RGS7: variants seen among roughly 807,000 people sequenced by gnomAD.
RGS7 encodes the protein regulator of G protein signaling 7.
A neutral mutation model predicts 81.1 loss-of-function variants in RGS7; 27 were observed. That is an observed-to-expected ratio of 0.33 (90% CI 0.25 to 0.46). RGS7 has a LOEUF of 0.46. Among genes scored for constraint, RGS7 ranks in the 20% least tolerant of loss-of-function variants. RGS7 has a pLI of 1.00. For missense variants in RGS7, 396 were observed against 607.4 expected (o/e 0.65, Z 3.66); for synonymous variants, 208 against 207.7 (o/e 1.00, Z -0.01).
intron 9 of RGS7, among the ~76,000 whole-genome samples, chr1:240,850,392 C>G (rs200676311): frequency 1.3e-5 from 2 of 152,114 alleles, no homozygotes; most frequent in African/African-American, 2.4e-5. Flanking sequence ...ATGTTATTGT[C>G]GTGATCGTTT....
intron 4 of RGS7, among the ~76,000 whole-genome samples, chr1:240,967,856 C>T (rs560739780): frequency 3.7e-4 from 56 of 151,750 alleles, no homozygotes; most frequent in African/African-American, 1.2e-3. Context: ...TTCCCAAATT[C>T]GAAATTACAA....
At chr1:241,111,797 G>A (rs1180280098) in intron 2 of RGS7, among the ~76,000 whole-genome samples, 1 of 152,132 alleles carries the variant, frequency 6.6e-6, no homozygotes, top group Non-Finnish European at 1.5e-5. Flanking sequence ...TGCAAACCAG[G>A]AAATAAGACT....
At chr1:240,882,931 C>T (rs1666662306) in intron 6 of RGS7, among the ~76,000 whole-genome samples, 1 of 152,072 alleles carries the variant, frequency 6.6e-6, no homozygotes, top group South Asian at 2.1e-4. Context: ...CTGATGTTCC[C>T]CTTCCTGTGT....
At chr1:240,977,214 G>A (rs1293303657) in intron 4 of RGS7, among the ~76,000 whole-genome samples, 1 of 151,302 alleles carries the variant, frequency 6.6e-6, no homozygotes, top group Non-Finnish European at 1.5e-5. Context: ...GTTCACCAAG[G>A]ACTAAATTCT....
At chr1:240,838,923 C>T (rs1407708664) in intron 9 of RGS7, among the ~76,000 whole-genome samples, 2 of 152,114 alleles carry the variant, frequency 1.3e-5, no homozygotes, top group African/African-American at 4.8e-5. Flanking sequence ...ATTAGGATTA[C>T]AGGCTAATTT....
chr1:241,290,223 T>C (rs1384969608), intron 2 of RGS7, among the ~76,000 whole-genome samples: 1 of 152,192 alleles, frequency 6.6e-6, no homozygotes, highest in Non-Finnish European at 1.5e-5. Context: ...ATAGGCAAGA[T>C]GATCAGGAGG....
At chr1:241,072,259 G>A (rs1394009041) in intron 3 of RGS7, among the ~76,000 whole-genome samples, 1 of 152,236 alleles carries the variant, frequency 6.6e-6, no homozygotes, top group Non-Finnish European at 1.5e-5. Context: ...AAAGTGGCCT[G>A]TGGCGTTGCA....
chr1:241,028,226 C>G (rs478452), intron 3 of RGS7, among the ~76,000 whole-genome samples: 72,693 of 152,002 alleles, frequency 0.48, 18,307 homozygotes, highest in African/African-American at 0.62. Flanking sequence ...ATAGAGTTCT[C>G]AAGAGGATGC....
Position 240,920,844 on chromosome 1 carries a change from A to G in RGS7, c.385+9873T>C, listed in dbSNP as rs186546894. On this transcript the variant is annotated intron_variant, in intron 6 of 18. Coordinates refer to ENST00000440928, the MANE Select transcript of RGS7 (RefSeq NM_001364886.1). ...TTCTGTTCTGTGGAAAGTGTAAAGC[A>G]TTCCAAGCATTCCAACAAAGGGTCT... Among the ~76,000 whole-genome samples, 283 of 152,238 alleles carry G rather than the reference A, an allele frequency of 1.9e-3. 2 individuals are homozygous for G. Among genetic ancestry groups the G allele is most frequent in the African/African-American group, 6.5e-3 (270 of 41,562 alleles).
chr1:241,007,215 CCTT>C, intron 3 of RGS7, among the ~76,000 whole-genome samples: 1 of 152,134 alleles, frequency 6.6e-6, no homozygotes, highest in East Asian at 1.9e-4. Flanking sequence ...CTGCGCCCAG[CCTT>C]CTTTCTTTAG....
chr1:240,959,615 G>A (rs766702896), intron 4 of RGS7, among the ~76,000 whole-genome samples: 5 of 152,226 alleles, frequency 3.3e-5, no homozygotes, highest in East Asian at 1.9e-4. Flanking sequence ...TGACCGAAAC[G>A]TTGTTATGGG....
chr1:241,074,123 C>G (rs926691186), intron 3 of RGS7, among the ~76,000 whole-genome samples: 1 of 152,066 alleles, frequency 6.6e-6, no homozygotes, highest in African/African-American at 2.4e-5. Flanking sequence ...CTGGCAAACT[C>G]CTGACCTGAA....
At chr1:241,244,831 T>C (rs2076438941) in intron 2 of RGS7, among the ~76,000 whole-genome samples, 1 of 151,874 alleles carries the variant, frequency 6.6e-6, no homozygotes, top group Admixed American at 6.6e-5. Flanking sequence ...CTGGAAACCA[T>C]TATTCTCAGC....
At chr1:241,127,126 CA>C (rs2066717618) in intron 2 of RGS7, among the ~76,000 whole-genome samples, 2 of 152,114 alleles carry the variant, frequency 1.3e-5, no homozygotes, top group East Asian at 3.9e-4. Flanking sequence ...CCAGAAGAAG[CA>C]ACATCTAATT....
At chr1:241,072,531 C>A (rs1007250185) in intron 3 of RGS7, among the ~76,000 whole-genome samples, 1 of 152,102 alleles carries the variant, frequency 6.6e-6, no homozygotes, top group African/African-American at 2.4e-5. Flanking sequence ...AGCTGCGGAC[C>A]GTAAAACCAT....
chr1:240,988,306 TAACTC>T (rs1330770271), intron 3 of RGS7, among the ~76,000 whole-genome samples: 2 of 151,612 alleles, frequency 1.3e-5, no homozygotes, highest in Admixed American at 1.3e-4. Context: ...ATTATAATTT[TAACTC>T]AATTTAATTT....
At chr1:241,141,726 A>T (rs2067936410) in intron 2 of RGS7, among the ~76,000 whole-genome samples, 1 of 152,146 alleles carries the variant, frequency 6.6e-6, no homozygotes, top group Admixed American at 6.5e-5. Flanking sequence ...GGGAACTACA[A>T]TTCAAGATGA....
intron 18 of RGS7, among the ~76,000 whole-genome samples, chr1:240,785,715 G>A (rs1274975490): frequency 6.6e-6 from 1 of 152,152 alleles, no homozygotes; most frequent in African/African-American, 2.4e-5. Flanking sequence ...TTAACAGATT[G>A]ACTAATAGAA....
At chr1:241,335,967 T>C (rs2082222389) in intron 2 of RGS7, among the ~76,000 whole-genome samples, 1 of 151,410 alleles carries the variant, frequency 6.6e-6, no homozygotes, top group East Asian at 1.9e-4. Flanking sequence ...TCAAATATTT[T>C]AGAGTTGTTA....
Sources: gnomAD v4.1 joint callset for allele counts (sites outside exome capture counted in the v4.1 genomes callset) on GRCh38, gnomAD v4.1.1 for gene constraint, MANE v1.5 for transcripts, NCBI Gene and HGNC (gene_info 2026-07-23, HGNC 2026-07-21) for gene names.